The following SNX25 variants were observed in gnomAD, a reference collection of about 807,000 sequenced individuals.
The protein encoded by SNX25 is sorting nexin-25.
Under a neutral mutation model 113.7 loss-of-function variants are expected in SNX25, and 62 were observed. The observed-to-expected ratio is 0.55, with a 90% confidence interval of 0.44 to 0.67. The LOEUF (loss-of-function observed/expected upper bound fraction) is 0.67. SNX25 is among the 30% of genes least tolerant of loss of function. SNX25 has a pLI of 0.00. For synonymous variants in SNX25, 421 were observed against 436.2 expected, an observed-to-expected ratio of 0.97 and a Z score of 0.43; for missense variants, 1,014 against 1,161.0, an observed-to-expected ratio of 0.87 and a Z score of 1.84.
chr4:185,353,912 C>T (rs574643704), intron 15 of SNX25, among the ~76,000 whole-genome samples: 42 of 152,126 alleles, frequency 2.8e-4, no homozygotes, highest in Non-Finnish European at 4.6e-4. Flanking sequence ...GGCATGGTGG[C>T]GCATGCCTGT....
chr4:185,333,976 A>G (rs2095213605), intron 10 of SNX25, among the ~76,000 whole-genome samples: 1 of 151,564 alleles, frequency 6.6e-6, no homozygotes, highest in Non-Finnish European at 1.5e-5. Context: ...TTGAATCTGG[A>G]AAGTCAAGGC....
intron 1 of SNX25, among the ~76,000 whole-genome samples, chr4:185,233,940 C>T (rs1471533545): frequency 6.6e-6 from 1 of 152,158 alleles, no homozygotes; most frequent in African/African-American, 2.4e-5. Context: ...TCACTGTAAA[C>T]TCTGCCTCCC....
At chr4:185,245,849 T>C (rs1744789593) in intron 1 of SNX25, among the ~76,000 whole-genome samples, 1 of 152,226 alleles carries the variant, frequency 6.6e-6, no homozygotes, top group Admixed American at 6.5e-5. Flanking sequence ...TTTATTTAAC[T>C]CTTTGACTAT....
intron 5 of SNX25, among the ~76,000 whole-genome samples, chr4:185,275,961 C>G (rs1450610642): frequency 1.3e-5 from 2 of 152,136 alleles, no homozygotes; most frequent in Admixed American, 1.3e-4. Context: ...AAAGATCTTT[C>G]AGTTTTATGA....
chr4:185,377,099 A>C, the SNX25 span: 1 of 990,280 alleles, frequency 1.0e-6, no homozygotes, highest in East Asian at 2.5e-5. Context: ...TATAAAATCC[A>C]TCTAACACTG....
chr4:185,364,976 A>G (rs908292333), downstream of SNX25: 1 of 152,002 alleles, frequency 6.6e-6, no homozygotes, highest in African/African-American at 2.4e-5. Flanking sequence ...TCCATGAGAT[A>G]TCAGCTACAA....
At position 185,334,221 on chromosome 4, in the gene SNX25, C is replaced by T. The variant is rs2095215583; in HGVS notation, c.1914+1462C>T. Among the ~76,000 whole-genome samples the T allele has an allele frequency of 6.6e-6, 1 of 151,970 alleles. No homozygotes were observed. Among genetic ancestry groups the T allele is most frequent in the Admixed American group, 6.5e-5 (1 of 15,268 alleles). Reference sequence around the variant, plus strand: ...AGGCATGGTGGCATGCATGGTAATCCCAGCTACTCAGGAGGGTGAGGCAGG... The same window carrying T: ...AGGCATGGTGGCATGCATGGTAATCTCAGCTACTCAGGAGGGTGAGGCAGG... On this transcript the variant is annotated intron_variant, in intron 10 of 18. Transcript: ENST00000652585. The surrounding 1 kb of genome is among the most constrained non-coding windows in gnomAD (Gnocchi z 4.2).
intron 1 of SNX25, among the ~76,000 whole-genome samples, chr4:185,244,368 G>A (rs930805166): frequency 1.3e-5 from 2 of 152,196 alleles, no homozygotes; most frequent in Non-Finnish European, 2.9e-5. Context: ...ATTTGCCAAA[G>A]CATTGAGAAG....
intron 1 of SNX25, among the ~76,000 whole-genome samples, chr4:185,213,118 G>A (rs1223718884): frequency 6.6e-6 from 1 of 152,236 alleles, no homozygotes; most frequent in African/African-American, 2.4e-5. Context: ...GTTATCAAGT[G>A]TAAACTGCCT....
intron 5 of SNX25, among the ~76,000 whole-genome samples, chr4:185,280,634 A>T (rs1750433052): frequency 6.6e-6 from 1 of 152,230 alleles, no homozygotes; most frequent in African/African-American, 2.4e-5. Flanking sequence ...CACTAAAGCC[A>T]CCTACAAAGT....
At chr4:185,329,653 G>A (rs1336991906) in intron 9 of SNX25, among the ~76,000 whole-genome samples, 1 of 152,052 alleles carries the variant, frequency 6.6e-6, no homozygotes, top group Non-Finnish European at 1.5e-5. Flanking sequence ...GGGCCTCTTG[G>A]ATTGGAGCCG....
rs2095216566 is a variant in SNX25, at chr4:185,334,415, C to T, written c.1914+1656C>T. Among the ~76,000 whole-genome samples, 1 of 152,176 alleles carries T rather than the reference C, an allele frequency of 6.6e-6. No homozygotes were observed. The highest frequency in any genetic ancestry group is 2.1e-4 in the South Asian group (1 of 4,826). On this transcript the variant is annotated intron_variant, in intron 10 of 18. Coordinates refer to ENST00000652585, the MANE Select transcript of SNX25 (RefSeq NM_001378034.2). The surrounding 1 kb of genome is among the most constrained non-coding windows in gnomAD (Gnocchi z 4.2). ...CAAATGGCCAGGTTTCCTGGATTGTCATCAGAAATAGTTCATTCTCCCCCT... is the reference window on the plus strand; with the variant it reads ...CAAATGGCCAGGTTTCCTGGATTGTTATCAGAAATAGTTCATTCTCCCCCT...
chr4:185,224,918 C>T (rs947292573), intron 1 of SNX25, among the ~76,000 whole-genome samples: 40 of 151,566 alleles, frequency 2.6e-4, no homozygotes, highest in Non-Finnish European at 5.0e-4. Flanking sequence ...ACCATTTCTC[C>T]AAGAGGAGCC....
At chr4:185,375,672 G>A in the SNX25 span, 3 of 1,611,946 alleles carry the variant, frequency 1.9e-6, no homozygotes, top group African/African-American at 4.0e-5. Context: ...TAAGTTGCTT[G>A]ATGGTCTTTC....
At chr4:185,353,941 A>G (rs2095327603) in intron 15 of SNX25, among the ~76,000 whole-genome samples, 2 of 151,820 alleles carry the variant, frequency 1.3e-5, no homozygotes, top group Admixed American at 1.3e-4. Flanking sequence ...CTACTTGGGA[A>G]GCTGAGGTGG....
exon 1 of SNX25, chr4:185,204,263 G>C (rs1737086276): frequency 6.6e-6 from 1 of 152,246 alleles, no homozygotes; most frequent in Non-Finnish European, 1.5e-5. Context: ...AGGGCGGCGC[G>C]GGTAGGCCCC....
At chr4:185,311,356 C>T (rs1369508146) in intron 7 of SNX25, among the ~76,000 whole-genome samples, 1 of 152,184 alleles carries the variant, frequency 6.6e-6, no homozygotes, top group East Asian at 1.9e-4. Flanking sequence ...CTCACTGAAC[C>T]ATAACATCTC....
intron 1 of SNX25, among the ~76,000 whole-genome samples, chr4:185,237,753 T>G (rs9685290): frequency 0.13 from 20,288 of 151,384 alleles, 2,096 homozygotes; most frequent in African/African-American, 0.29. Flanking sequence ...TTTTTTGGTG[T>G]TGTTGTTGGA....
At chr4:185,378,008 C>A in the SNX25 span, 1 of 1,188,726 alleles carries the variant, frequency 8.4e-7, no homozygotes, top group Non-Finnish European at 1.2e-6. Flanking sequence ...TATTTCTTGT[C>A]TCGTTTGCTC....
Sources: allele counts gnomAD v4.1 joint callset (sites outside exome capture counted in the v4.1 genomes callset), GRCh38; gene constraint gnomAD v4.1.1; non-coding constraint Gnocchi (gnomAD v3.1); transcripts MANE v1.5; gene names NCBI Gene and HGNC (gene_info 2026-07-23, HGNC 2026-07-21).